The following TFDP2 variants were observed in gnomAD, a reference collection of about 807,000 sequenced individuals.
The protein encoded by TFDP2 is transcription factor Dp-2 (E2F dimerization partner 2).
In TFDP2, 17 loss-of-function variants were observed where a neutral mutation model predicts 59.3. That is an observed-to-expected ratio of 0.29 (90% CI 0.20 to 0.43). The LOEUF is 0.43. Among genes scored for constraint, TFDP2 ranks in the 20% least tolerant of loss-of-function variants. TFDP2 has a pLI of 1.00. For missense variants in TFDP2, 391 were observed against 528.8 expected (o/e 0.74, Z 2.56); for synonymous variants, 180 against 194.7 (o/e 0.92, Z 0.63).
At chr3:142,146,079 A>C (rs892684687) in intron 1 of TFDP2, among the ~76,000 whole-genome samples, 5 of 152,224 alleles carry the variant, frequency 3.3e-5, no homozygotes, top group Non-Finnish European at 7.3e-5. Context: ...AAAAATTTGC[A>C]TGAAAGCAAT....
At chr3:142,139,808 T>G (rs112154808) in intron 1 of TFDP2, among the ~76,000 whole-genome samples, 1,867 of 152,320 alleles carry the variant, frequency 0.012, 39 homozygotes, top group African/African-American at 0.043. Flanking sequence ...CACTTTTTCT[T>G]TCATTTCAAC....
At chr3:142,109,445 CAGCCTCCCAAGT>C (rs1271540371) in intron 1 of TFDP2, among the ~76,000 whole-genome samples, 1 of 151,916 alleles carries the variant, frequency 6.6e-6, no homozygotes, top group Non-Finnish European at 1.5e-5. Context: ...CCTCCTGCCT[CAGCCTCCCAAGT>C]AGCTGGGGTT....
At position 142,072,218 on chromosome 3, in the gene TFDP2, T is replaced by C. The variant is rs577923436; in HGVS notation, c.82+20843A>G. 1.0e-3 allele frequency among the ~76,000 whole-genome samples: 159 copies of C among 152,356 alleles called. 2 individuals are homozygous for C. The South Asian group carries it at 0.032, about 31-fold the overall frequency. ...AACTTACTATGTGCAGTTGCTCATT[T>C]AATCTTTACACATTCTATGAGCAAC... On this transcript the variant is annotated intron_variant, in intron 3 of 12. Coordinates refer to ENST00000489671, the MANE Select transcript of TFDP2 (RefSeq NM_001178139.2).
At chr3:142,059,515 A>G (rs902039979) in intron 3 of TFDP2, among the ~76,000 whole-genome samples, 2 of 152,226 alleles carry the variant, frequency 1.3e-5, no homozygotes, top group African/African-American at 4.8e-5. Flanking sequence ...AGCATTCAAC[A>G]GAACTTTTTA....
chr3:142,054,865 T>C (rs1490241612), intron 3 of TFDP2, among the ~76,000 whole-genome samples: 1 of 152,156 alleles, frequency 6.6e-6, no homozygotes, highest in African/African-American at 2.4e-5. Context: ...ACATAAGAGA[T>C]GGTACAATCA....
chr3:141,993,558 T>C lies in TFDP2; in HGVS notation c.336A>G (p.Ile112Met), dbSNP rs775398144. 2 of 1,580,844 alleles carry C rather than the reference T, an allele frequency of 1.3e-6. No individual in the cohort carries two copies. Among genetic ancestry groups the C allele is most frequent in the Non-Finnish European group, 1.7e-6 (2 of 1,157,740 alleles). Residue 112 changes from isoleucine (I) to methionine (M), a missense_variant, in exon 6 of 13, where the codon ATA becomes ATG. Physicochemically the swap from Ile to Met is conservative, Grantham distance 10. Coordinates refer to ENST00000489671, the MANE Select transcript of TFDP2 (RefSeq NM_001178139.2). ...PGDRKRARKF[I>M]DSDFSESKRS... ...CTCACCTTTCTGAAAAATCAGAGTC[T>C]ATAAATTTTCTAGCCCGTTTTCTAT...
intron 1 of TFDP2, among the ~76,000 whole-genome samples, chr3:142,109,186 T>A (rs554485448): frequency 3.7e-4 from 56 of 152,344 alleles, no homozygotes; most frequent in African/African-American, 1.3e-3. Flanking sequence ...CAAGAAATAT[T>A]TGTTAAATGA....
chr3:142,081,174 CAA>C (rs2060627184), intron 3 of TFDP2, among the ~76,000 whole-genome samples: 1 of 152,056 alleles, frequency 6.6e-6, no homozygotes, highest in African/African-American at 2.4e-5. Flanking sequence ...ACATCAATAA[CAA>C]GAGGAATTCT....
chr3:142,042,944 G>GT (rs1947084117), intron 3 of TFDP2, among the ~76,000 whole-genome samples: 1 of 151,464 alleles, frequency 6.6e-6, no homozygotes, highest in East Asian at 2.0e-4. Flanking sequence ...TTTTCTCCTT[G>GT]TTGGTAAGTC....
At chr3:142,137,188 T>C (rs1232732065) in intron 1 of TFDP2, among the ~76,000 whole-genome samples, 1 of 152,304 alleles carries the variant, frequency 6.6e-6, no homozygotes, top group East Asian at 1.9e-4. Context: ...TCTCTGTCTG[T>C]TATTGGTGTG....
At chr3:141,967,359 C>G (rs1490411112) in intron 9 of TFDP2, among the ~76,000 whole-genome samples, 1 of 149,808 alleles carries the variant, frequency 6.7e-6, no homozygotes, top group African/African-American at 2.5e-5. Flanking sequence ...GTGGGGCGAT[C>G]TCAGCTCACT....
chr3:141,995,891 A>C lies in TFDP2; in HGVS notation c.187-750T>G, dbSNP rs1261524729. 4.7e-4 allele frequency among the ~76,000 whole-genome samples: 49 copies of C among 104,940 alleles called. No individual in the cohort carries two copies. The East Asian group carries it at 0.01, about 22-fold the overall frequency. The allele number at this position is 104,940 out of a possible 152,430, so 68.8% of individuals were successfully genotyped here. A position where few individuals can be genotyped will look rare whatever the true frequency, so the allele number is the denominator to read the frequency against. ...AGAGCAAAACTCCATTTCAAAAAAA[A>C]AAAAAAAAAAAAAAAAGAGTATTCA... is the stretch of plus-strand genomic sequence containing the variant. On this transcript the variant is annotated intron_variant, in intron 4 of 12. Coordinates refer to ENST00000489671, the MANE Select transcript of TFDP2 (RefSeq NM_001178139.2).
intron 1 of TFDP2, among the ~76,000 whole-genome samples, chr3:142,146,185 G>T (rs1334065669): frequency 1.3e-5 from 2 of 151,924 alleles, no homozygotes; most frequent in African/African-American, 2.4e-5. Context: ...CAGACTAGAA[G>T]CAATCTTACA....
At chr3:142,106,770 ATC>A (rs1408119256) in intron 1 of TFDP2, among the ~76,000 whole-genome samples, 1 of 152,186 alleles carries the variant, frequency 6.6e-6, no homozygotes, top group Non-Finnish European at 1.5e-5. Context: ...ATCTGCCATG[ATC>A]TCGTCAGTTT....
intron 1 of TFDP2, among the ~76,000 whole-genome samples, chr3:142,148,591 G>A (rs1454310901): frequency 6.6e-6 from 1 of 152,152 alleles, no homozygotes; most frequent in Non-Finnish European, 1.5e-5. Context: ...AGAGAGACTG[G>A]GGCGCTCATC....
At chr3:142,007,477 G>A (rs1200307239) in intron 3 of TFDP2, among the ~76,000 whole-genome samples, 6 of 152,140 alleles carry the variant, frequency 3.9e-5, no homozygotes, top group East Asian at 1.9e-4. Context: ...GTCCCCAACC[G>A]TTTTAGCACC....
In TFDP2 at chr3:141,998,557, C is replaced by A. The variant is rs1168504275; in HGVS notation, c.187-3416G>T. Among the ~76,000 whole-genome samples the A allele has an allele frequency of 1.3e-5, 2 of 152,108 alleles. 1 individual carries two copies. The highest frequency in any genetic ancestry group is 3.9e-4 in the East Asian group (2 of 5,188). On this transcript the variant is annotated intron_variant, in intron 4 of 12. Coordinates refer to ENST00000489671, the MANE Select transcript of TFDP2 (RefSeq NM_001178139.2). ...ACTTGAACCTGGGAAGCGGAGGCTG[C>A]AGTGAGCTGAGATCGTGCCACTACA...
chr3:142,050,382 TTTCTC>T (rs1479017942), intron 3 of TFDP2, among the ~76,000 whole-genome samples: 1 of 152,098 alleles, frequency 6.6e-6, no homozygotes, highest in Admixed American at 6.6e-5. Context: ...AGTTCCCTGT[TTTCTC>T]TTCTAGCCTT....
At chr3:142,142,840 A>G (rs1282122373) in intron 1 of TFDP2, among the ~76,000 whole-genome samples, 2 of 152,228 alleles carry the variant, frequency 1.3e-5, no homozygotes, top group East Asian at 3.8e-4. Flanking sequence ...TGCCAAGAAC[A>G]CACACTGGGG....
Sources: gnomAD v4.1 joint callset for allele counts (sites outside exome capture counted in the v4.1 genomes callset) on GRCh38, gnomAD v4.1.1 for gene constraint, MANE v1.5 for transcripts, NCBI Gene and HGNC (gene_info 2026-07-23, HGNC 2026-07-21) for gene names.